Variants in GLP1R observed in about 807,000 individuals in gnomAD.
GLP1R encodes the protein glucagon like peptide 1 receptor.
A neutral mutation model predicts 68.4 loss-of-function variants in GLP1R; 32 were observed. The ratio of observed to expected loss-of-function variants is 0.47; its 90% CI spans 0.35 to 0.63. The LOEUF (loss-of-function observed/expected upper bound fraction) is 0.63, where lower values mean the gene tolerates loss of function less well. Ranked by LOEUF, GLP1R falls within the 20% of genes least tolerant of loss-of-function variation. GLP1R has a pLI of 0.00. For missense variants in GLP1R, 502 were observed against 594.9 expected (o/e 0.84, Z 1.62); for synonymous variants, 263 against 244.4 (o/e 1.08, Z -0.71).
rs1328400732 is a variant in GLP1R, at chr6:39,086,198, C to CACAA, written c.*128_*129insAACA. The CACAA allele has an allele frequency of 2.6e-5, 15 of 573,914 alleles. No individual in the cohort carries two copies. Among genetic ancestry groups the CACAA allele is most frequent in the African/African-American group, 1.1e-4 (6 of 53,940 alleles). 35.6% of individuals were successfully genotyped at this position (573,914 alleles called of 1,614,324 possible). On this transcript the variant is annotated 3_prime_UTR_variant, in exon 13 of 13. Transcript: ENST00000373256. The surrounding 1 kb of genome is among the most constrained non-coding windows in gnomAD (Gnocchi z 4.5). ...ACACACACACACACACACACACACA[C>CACAA]ACACACATACATCCTGCTTTCCCTC...
rs200657792 is a variant in GLP1R, at chr6:39,079,636, C to T, written c.1116C>T (p.Asp372=). The T allele has an allele frequency of 3.7e-5, 59 of 1,611,398 alleles. No individual in the cohort carries two copies. The highest frequency in any genetic ancestry group is 1.6e-4 in the Middle Eastern group (1 of 6,064). ...THEVIFAFVM[D]EHARGTLRFI... is the part of the protein sequence containing the mutation. Reference sequence around the variant, plus strand: ...AGGTCATCTTTGCCTTTGTGATGGACGAGCACGCCCGGGGGACCCTGCGCT... The same window carrying T: ...AGGTCATCTTTGCCTTTGTGATGGATGAGCACGCCCGGGGGACCCTGCGCT... The change falls in exon 11 of 13, where the codon GAC becomes GAT. Residue 372 remains aspartate (D), a synonymous_variant. Transcript: ENST00000373256. This position sits in a 1 kb window ranked among gnomAD's most constrained non-coding sequence, Gnocchi z 4.5.
chr6:39,049,482 G>T lies in GLP1R; in HGVS notation c.78+564G>T, dbSNP rs1768036889. Among the ~76,000 whole-genome samples, 1 of 152,116 alleles carries T rather than the reference G, an allele frequency of 6.6e-6. No individual in the cohort carries two copies. The highest frequency in any genetic ancestry group is 6.5e-5 in the Admixed American group (1 of 15,274). ...CAGCCTTTGATTCATGGCTCCTGGG[G>T]CCCTGCGGTGGCAGCTTGTCCTTCC... On this transcript the variant is annotated intron_variant, in intron 1 of 12. Transcript: ENST00000373256. The surrounding 1 kb of genome is among the most constrained non-coding windows in gnomAD (Gnocchi z 4.5).
Position 39,079,752 on chromosome 6 carries a change from G to A in GLP1R, c.1182+50G>A, listed in dbSNP as rs1419224900. 1 of 1,516,114 alleles carries A rather than the reference G, an allele frequency of 6.6e-7. No individual in the cohort carries two copies. Among genetic ancestry groups the A allele is most frequent in the South Asian group, 1.1e-5 (1 of 87,890 alleles). 93.9% of individuals were successfully genotyped at this position (1,516,114 alleles called of 1,614,324 possible). On this transcript the variant is annotated intron_variant, in intron 11 of 12. Transcript: ENST00000373256. This position sits in a 1 kb window ranked among gnomAD's most constrained non-coding sequence, Gnocchi z 4.5. Reference sequence around the variant, plus strand: ...GCTTGTAAAGTCCTAGAGTGGGGGTGGGACAGACACCAGCCTGCATCATGC... The same window carrying A: ...GCTTGTAAAGTCCTAGAGTGGGGGTAGGACAGACACCAGCCTGCATCATGC...
chr6:39,078,247 G>GC, intron 7 of GLP1R, 75 bp from the exon 8 acceptor site: 1 of 1,048,630 alleles, frequency 9.5e-7, no homozygotes, highest in Non-Finnish European at 1.5e-6. Flanking sequence ...CTTGGGGCAG[G>GC]GAGAGGCCTC....
intron 3 of GLP1R, among the ~76,000 whole-genome samples, chr6:39,063,178 G>T (rs1036114248): frequency 1.3e-5 from 2 of 152,122 alleles, no homozygotes; most frequent in Non-Finnish European, 2.9e-5. Flanking sequence ...ATCAAAGCAG[G>T]CTGCTAGTGC....
intron 12 of GLP1R, among the ~76,000 whole-genome samples, chr6:39,085,292 A>AC (rs1769115690): frequency 6.6e-6 from 1 of 152,122 alleles, no homozygotes; most frequent in African/African-American, 2.4e-5. Flanking sequence ...CCTGGGCTGC[A>AC]CCCCCATGGT....
chr6:39,073,846 T>G, intron 7 of GLP1R, 77 bp downstream of exon 7: 1 of 1,335,582 alleles, frequency 7.5e-7, no homozygotes. Context: ...ACATGGTACT[T>G]GGAACGCACT....
chr6:39,053,261 T>C (rs1056497015), intron 1 of GLP1R, among the ~76,000 whole-genome samples: 1 of 152,174 alleles, frequency 6.6e-6, no homozygotes, highest in African/African-American at 2.4e-5. Flanking sequence ...CAGGGACTTA[T>C]GTTGTGGGAG....
At chr6:39,073,801 T>C (rs200688420) in intron 7 of GLP1R, 32 bp downstream of exon 7, 15 of 1,603,136 alleles carry the variant, frequency 9.4e-6, no homozygotes, top group Non-Finnish European at 1.3e-5. Context: ...CCTGGACCTG[T>C]GGCACGGGGG....
intron 5 of GLP1R, among the ~76,000 whole-genome samples, chr6:39,072,478 C>T (rs1768697018): frequency 6.6e-6 from 1 of 152,256 alleles, no homozygotes; most frequent in Non-Finnish European, 1.5e-5. Flanking sequence ...AGTGCCTAGT[C>T]CTGCTCTGCC....
chr6:39,073,348 A>G (rs562594962), intron 6 of GLP1R, among the ~76,000 whole-genome samples: 16 of 152,354 alleles, frequency 1.1e-4, no homozygotes, highest in Middle Eastern at 3.4e-3. Flanking sequence ...CAAGTCACTT[A>G]CTTCTCTGAG....
intron 3 of GLP1R, among the ~76,000 whole-genome samples, chr6:39,063,690 G>A (rs1188932293): frequency 2.0e-5 from 3 of 152,114 alleles, no homozygotes; most frequent in South Asian, 2.1e-4. Context: ...AGGCTGTCCT[G>A]GTGTCTGGGA....
rs567750076 is a variant in GLP1R at position 39,051,649 on chromosome 6, T to C, written c.78+2731T>C. 3.0e-3 allele frequency among the ~76,000 whole-genome samples: 460 copies of C among 150,900 alleles called. 3 individuals are homozygous for C. The highest frequency in any genetic ancestry group is 0.011 in the African/African-American group (434 of 40,988). On this transcript the variant is annotated intron_variant, in intron 1 of 12. Transcript: ENST00000373256. ...AATTCCTATGTGTGTGTGGTGGTGG[T>C]GGTGGTTGGAGGAGGGGACAGAGAT...
At chr6:39,050,896 C>A (rs974271419) in intron 1 of GLP1R, among the ~76,000 whole-genome samples, 2 of 152,080 alleles carry the variant, frequency 1.3e-5, no homozygotes, top group Non-Finnish European at 2.9e-5. Flanking sequence ...CTTGACCTAA[C>A]ACCTCCTACT....
chr6:39,083,351 G>C (rs1314286609), intron 12 of GLP1R, among the ~76,000 whole-genome samples: 1 of 152,220 alleles, frequency 6.6e-6, no homozygotes, highest in Non-Finnish European at 1.5e-5. Flanking sequence ...TGTGGCTCTG[G>C]GGCTAAGGCC....
intron 1 of GLP1R, among the ~76,000 whole-genome samples, chr6:39,055,372 G>A (rs1051849211): frequency 1.3e-5 from 2 of 152,142 alleles, no homozygotes. Flanking sequence ...TCTGAAGGAC[G>A]AATATTTATA....
chr6:39,079,780 A>G lies in GLP1R; in HGVS notation c.1182+78A>G. Reference sequence around the variant, plus strand: ...ACAGACACCAGCCTGCATCATGCAGATGGAAAAGGTGGGAAGACTGGGACC... The same window carrying G: ...ACAGACACCAGCCTGCATCATGCAGGTGGAAAAGGTGGGAAGACTGGGACC... On this transcript the variant is annotated intron_variant, in intron 11 of 12. Transcript: ENST00000373256. This position sits in a 1 kb window ranked among gnomAD's most constrained non-coding sequence, Gnocchi z 4.5. 2 of 1,340,364 alleles carry G rather than the reference A, an allele frequency of 1.5e-6. No homozygotes were observed. Among genetic ancestry groups the G allele is most frequent in the Non-Finnish European group, 2.1e-6 (2 of 952,942 alleles). 83.0% of individuals were successfully genotyped at this position (1,340,364 alleles called of 1,614,324 possible). A position where few individuals can be genotyped will look rare whatever the true frequency, so the allele number is the denominator to read the frequency against.
chr6:39,063,817 T>C (rs1362191539), intron 3 of GLP1R, among the ~76,000 whole-genome samples: 3 of 151,444 alleles, frequency 2.0e-5, no homozygotes, highest in African/African-American at 7.3e-5. Flanking sequence ...GGGTGAAAAA[T>C]AGAACTCCCA....
intron 1 of GLP1R, among the ~76,000 whole-genome samples, chr6:39,055,485 G>A (rs983665906): frequency 2.6e-5 from 4 of 152,212 alleles, no homozygotes; most frequent in Admixed American, 6.5e-5. Context: ...GATTCTCAGT[G>A]GGATGGGTCT....
Sources: allele counts gnomAD v4.1 joint callset (sites outside exome capture counted in the v4.1 genomes callset), GRCh38; gene constraint gnomAD v4.1.1; non-coding constraint Gnocchi (gnomAD v3.1); transcripts MANE v1.5; gene names NCBI Gene and HGNC (gene_info 2026-07-23, HGNC 2026-07-21).